Variants in RPIA observed in about 807,000 individuals in gnomAD.
The protein encoded by RPIA is ribose 5-phosphate isomerase A.
Under a neutral mutation model 37.8 loss-of-function variants are expected in RPIA, and 29 were observed. That is an observed-to-expected ratio of 0.77 (90% CI 0.57 to 1.05). The LOEUF (loss-of-function observed/expected upper bound fraction) is 1.05. RPIA is among the 50% of genes least tolerant of loss of function. RPIA has a pLI of 0.00. For missense variants in RPIA, 385 were observed against 413.6 expected (o/e 0.93, Z 0.60); for synonymous variants, 167 against 157.0 (o/e 1.06, Z -0.48).
intron 8 of RPIA, among the ~76,000 whole-genome samples, chr2:88,747,081 G>T (rs1188978173): frequency 6.6e-6 from 1 of 152,200 alleles, no homozygotes; most frequent in Non-Finnish European, 1.5e-5. Flanking sequence ...TTAGGGCAGA[G>T]TTAGGTGGGT....
intron 1 of RPIA, among the ~76,000 whole-genome samples, chr2:88,697,834 A>G (rs1382677845): frequency 1.3e-5 from 2 of 152,022 alleles, no homozygotes; most frequent in South Asian, 2.1e-4. Context: ...ATACTTTATT[A>G]TTTTGAGGTT....
At chr2:88,720,839 A>G (rs1223382430) in intron 3 of RPIA, among the ~76,000 whole-genome samples, 2 of 152,052 alleles carry the variant, frequency 1.3e-5, no homozygotes, top group Admixed American at 1.3e-4. Context: ...CAGAAATACC[A>G]TTTCACCCAG....
chr2:88,743,645 C>T (rs533707698), intron 8 of RPIA, among the ~76,000 whole-genome samples: 38 of 152,226 alleles, frequency 2.5e-4, no homozygotes, highest in African/African-American at 8.9e-4. Flanking sequence ...TAGAATTCAG[C>T]TGTGAATCCA....
intron 3 of RPIA, among the ~76,000 whole-genome samples, chr2:88,713,088 T>C (rs1672979001): frequency 7.3e-6 from 1 of 136,724 alleles, no homozygotes; most frequent in Admixed American, 7.6e-5. Flanking sequence ...CCATGACGTT[T>C]TGGATGTCTG....
At chr2:88,714,391 C>T (rs1013014974) in intron 3 of RPIA, among the ~76,000 whole-genome samples, 1 of 152,118 alleles carries the variant, frequency 6.6e-6, no homozygotes, top group Admixed American at 6.5e-5. Flanking sequence ...AGGCTGGTCT[C>T]GAACTCCTGG....
Position 88,750,194 on chromosome 2 carries a change from G to A in RPIA, c.*116G>A. ...TCTGCCTGGACAACTTGTGGTGGGG[G>A]GTGGGGGGAAGAGTGGGAGGGGGAG... On this transcript the variant is annotated 3_prime_UTR_variant, in exon 9 of 9. Coordinates refer to ENST00000283646, the MANE Select transcript of RPIA (RefSeq NM_144563.3). 1 of 699,316 alleles carries A rather than the reference G, an allele frequency of 1.4e-6. No individual in the cohort carries two copies. The highest frequency in any genetic ancestry group is 2.6e-6 in the Non-Finnish European group (1 of 381,886). The allele number at this position is 699,316 out of a possible 1,614,324, so 43.3% of individuals were successfully genotyped here. A position where few individuals can be genotyped will look rare whatever the true frequency, so the allele number is the denominator to read the frequency against.
chr2:88,724,244 C>T (rs1415433172), intron 3 of RPIA, among the ~76,000 whole-genome samples: 1 of 152,128 alleles, frequency 6.6e-6, no homozygotes, highest in Non-Finnish European at 1.5e-5. Flanking sequence ...AGGCCAGAGT[C>T]AGGAGGGCAG....
At chr2:88,704,375 C>T (rs373818443) in intron 3 of RPIA, among the ~76,000 whole-genome samples, 2 of 152,130 alleles carry the variant, frequency 1.3e-5, no homozygotes, top group Admixed American at 6.5e-5. Context: ...ACAATCATGG[C>T]GGAAGGCAGG....
At chr2:88,749,097 T>C (rs1673471644) in intron 8 of RPIA, among the ~76,000 whole-genome samples, 2 of 152,242 alleles carry the variant, frequency 1.3e-5, no homozygotes, top group South Asian at 4.1e-4. Context: ...AAAGTGCCAC[T>C]ATCAACATCT....
At chr2:88,735,759 C>T (rs765888302) in intron 6 of RPIA, 22 bp downstream of exon 6, 9 of 1,611,400 alleles carry the variant, frequency 5.6e-6, no homozygotes, top group Non-Finnish European at 5.9e-6. Context: ...GGTGTCTGAG[C>T]TGCCAACTGA....
chr2:88,715,280 C>T (rs1049294446), intron 3 of RPIA, among the ~76,000 whole-genome samples: 9 of 152,170 alleles, frequency 5.9e-5, no homozygotes, highest in African/African-American at 2.2e-4. Flanking sequence ...ACAGTATTCT[C>T]ATGCTGATTT....
intron 3 of RPIA, among the ~76,000 whole-genome samples, chr2:88,726,086 G>A (rs1673193890): frequency 6.6e-6 from 1 of 152,154 alleles, no homozygotes; most frequent in Non-Finnish European, 1.5e-5. Flanking sequence ...AGAGTCTCAG[G>A]GCTTGCAGAA....
chr2:88,711,132 T>C (rs756237446), intron 3 of RPIA, among the ~76,000 whole-genome samples: 3 of 152,212 alleles, frequency 2.0e-5, no homozygotes, highest in Non-Finnish European at 4.4e-5. Flanking sequence ...AGGTCCGGGC[T>C]GGTGGGCGCA....
At chr2:88,723,543 C>T (rs899609151) in intron 3 of RPIA, among the ~76,000 whole-genome samples, 3 of 152,116 alleles carry the variant, frequency 2.0e-5, no homozygotes, top group Non-Finnish European at 4.4e-5. Flanking sequence ...GGAGGGTGTA[C>T]TCCCAGACCT....
intron 8 of RPIA, among the ~76,000 whole-genome samples, chr2:88,739,835 C>G (rs1673361554): frequency 6.6e-6 from 1 of 152,162 alleles, no homozygotes; most frequent in Admixed American, 6.5e-5. Flanking sequence ...CCAGGCTGGT[C>G]TTGAACTGGG....
intron 1 of RPIA, among the ~76,000 whole-genome samples, chr2:88,695,668 G>T (rs1352074986): frequency 6.6e-6 from 1 of 152,178 alleles, no homozygotes; most frequent in African/African-American, 2.4e-5. Flanking sequence ...TTTGGGGATT[G>T]TCCAGGTAGC....
At chr2:88,749,180 G>A (rs1673473008) in intron 8 of RPIA, among the ~76,000 whole-genome samples, 1 of 152,200 alleles carries the variant, frequency 6.6e-6, no homozygotes, top group Non-Finnish European at 1.5e-5. Context: ...TGAGTGGTTA[G>A]GTGTGAATCC....
intron 3 of RPIA, among the ~76,000 whole-genome samples, chr2:88,724,462 A>T (rs1256665695): frequency 6.6e-6 from 1 of 151,984 alleles, no homozygotes; most frequent in East Asian, 1.9e-4. Flanking sequence ...ATATGGCAAC[A>T]CACCTGGCTA....
At chr2:88,708,958 C>A (rs1408167706) in intron 3 of RPIA, among the ~76,000 whole-genome samples, 1 of 152,008 alleles carries the variant, frequency 6.6e-6, no homozygotes, top group South Asian at 2.1e-4. Context: ...GGGTTTCACC[C>A]TGTTGGCCAG....
Sources: allele counts gnomAD v4.1 joint callset (sites outside exome capture counted in the v4.1 genomes callset), GRCh38; gene constraint gnomAD v4.1.1; transcripts MANE v1.5; gene names NCBI Gene and HGNC (gene_info 2026-07-23, HGNC 2026-07-21).